The following ZBBX variants were observed in gnomAD, a reference collection of about 807,000 sequenced individuals.
ZBBX encodes zinc finger B-box domain containing.
A neutral mutation model predicts 108.5 loss-of-function variants in ZBBX; 101 were observed. The observed-to-expected ratio is 0.93, with a 90% CI of 0.79 to 1.10. The LOEUF (loss-of-function observed/expected upper bound fraction) is 1.10, where lower values mean the gene tolerates loss of function less well. Among genes scored for constraint, ZBBX ranks in the 50% least tolerant of loss-of-function variants. The pLI, the probability that ZBBX is intolerant of heterozygous loss-of-function variation, is 0.00. For synonymous variants in ZBBX, 356 were observed against 323.4 expected (o/e 1.10, Z -1.08); for missense variants, 1,009 against 941.4 (o/e 1.07, Z -0.94).
At chr3:167,368,214 A>C (rs73169188) in intron 5 of ZBBX, among the ~76,000 whole-genome samples, 42,645 of 151,280 alleles carry the variant, frequency 0.28, 6,171 homozygotes, top group South Asian at 0.32. Flanking sequence ...ATAAAAAGGA[A>C]ATAAGAAAGG....
intron 20 of ZBBX, among the ~76,000 whole-genome samples, chr3:167,278,579 AAC>A (rs920869357): frequency 2.0e-5 from 3 of 149,942 alleles, no homozygotes; most frequent in Non-Finnish European, 4.4e-5. Flanking sequence ...ATAGACCAAT[AAC>A]AGGATCTGAA....
In ZBBX at chr3:167,322,117, C is replaced by G. The variant is rs1418771943; in HGVS notation, c.983G>C (p.Arg328Thr). The part of the protein sequence containing the change: ...MEKLWLKKHR[R>T]TPQEQLFKML... ...ATAGTATTATAATTTCAGAAAATAC[C>G]TCCTGTGTTTTTTAAGCCATAATTT... is the stretch of plus-strand genomic sequence containing the variant. Residue 328 changes from arginine (R) to threonine (T), a missense_variant and splice_region_variant, in exon 12 of 22, where the codon AGA becomes ACA. Coordinates refer to ENST00000675490, the MANE Select transcript of ZBBX (RefSeq NM_001199201.2). 10 of 1,261,730 alleles carry G rather than the reference C, an allele frequency of 7.9e-6. No individual in the cohort carries two copies. Among genetic ancestry groups the G allele is most frequent in the Non-Finnish European group, 1.1e-5 (10 of 949,220 alleles). The allele number at this position is 1,261,730 out of a possible 1,614,324, so 78.2% of individuals were successfully genotyped here.
chr3:167,310,942 C>T (rs1235234855), intron 16 of ZBBX, among the ~76,000 whole-genome samples: 1 of 152,090 alleles, frequency 6.6e-6, no homozygotes, highest in Admixed American at 6.6e-5. Flanking sequence ...AGATTCATTG[C>T]AATCCCAATC....
At chr3:167,196,648 C>T in the ZBBX span, among the ~76,000 whole-genome samples, 2 of 152,056 alleles carry the variant, frequency 1.3e-5, no homozygotes, top group African/African-American at 2.4e-5. Flanking sequence ...AAATGACTCT[C>T]GTTTATTCAG....
chr3:167,203,080 A>G, the ZBBX span, among the ~76,000 whole-genome samples: 1 of 152,182 alleles, frequency 6.6e-6, no homozygotes, highest in East Asian at 1.9e-4. Flanking sequence ...TAGAACTATC[A>G]TAACAAAATA....
At chr3:167,361,467 T>C (rs1199995750) in intron 6 of ZBBX, among the ~76,000 whole-genome samples, 1 of 152,158 alleles carries the variant, frequency 6.6e-6, no homozygotes, top group Non-Finnish European at 1.5e-5. Context: ...CAGGCCTAGT[T>C]TTCAATTTGC....
chr3:167,213,306 T>C, the ZBBX span, among the ~76,000 whole-genome samples: 1 of 152,150 alleles, frequency 6.6e-6, no homozygotes, highest in Non-Finnish European at 1.5e-5. Flanking sequence ...AATAAAGTGA[T>C]ACCAGAGCTG....
chr3:167,194,229 A>AATATTTATATATAT, the ZBBX span, among the ~76,000 whole-genome samples: 2 of 139,820 alleles, frequency 1.4e-5, no homozygotes, highest in Non-Finnish European at 3.1e-5. Context: ...ATATGTACTA[A>AATATTTATATATAT]ATATATATAT....
chr3:167,332,434 G>T lies in ZBBX; in HGVS notation c.687+1393C>A, dbSNP rs898411983. On this transcript the variant is annotated intron_variant, in intron 10 of 21. Transcript: ENST00000675490. ...AATGGTTTTTAAGTTAAGACAATGAGGCAGACAATGTATACAGCATGCATA... is the reference window on the plus strand; with the variant it reads ...AATGGTTTTTAAGTTAAGACAATGATGCAGACAATGTATACAGCATGCATA... Among the ~76,000 whole-genome samples the T allele has an allele frequency of 2.0e-5, 3 of 152,162 alleles. No homozygotes were observed. The East Asian group carries it at 5.8e-4, about 29-fold the overall frequency.
At chr3:167,350,825 GAA>G (rs1352303381) in intron 8 of ZBBX, among the ~76,000 whole-genome samples, 1 of 152,000 alleles carries the variant, frequency 6.6e-6, no homozygotes, top group Non-Finnish European at 1.5e-5. Context: ...CATAGTTTCT[GAA>G]TAAACTATAA....
In ZBBX at chr3:167,282,435, C is replaced by A; in HGVS notation, c.2057G>T (p.Ser686Ile). The A allele has an allele frequency of 6.2e-7, 1 of 1,613,986 alleles. No homozygotes were observed. The highest frequency in any genetic ancestry group is 8.5e-7 in the Non-Finnish European group (1 of 1,179,890). ...ATGAGAGGATGAAAGGCAACTGGAG[C>A]TTTCTTTAACAGAGTTGGAAAGTGG... Reference protein sequence around the residue: ...NFPLSNSVKESSSCLSSSHPR... With the variant: ...NFPLSNSVKEISSCLSSSHPR... Residue 686 changes from serine to isoleucine, a missense_variant, in exon 20 of 22, where the codon AGC (serine) becomes ATC (isoleucine). Transcript: ENST00000675490.
chr3:167,257,939 A>T (rs1246295184), intron 20 of ZBBX, among the ~76,000 whole-genome samples: 1 of 152,110 alleles, frequency 6.6e-6, no homozygotes, highest in Non-Finnish European at 1.5e-5. Flanking sequence ...ATTTTCTCCC[A>T]GTCTGTGGGA....
rs1026048396 is a variant in ZBBX at position 167,350,287 on chromosome 3, G to A, written c.528+133C>T. On this transcript the variant is annotated intron_variant, in intron 9 of 21. Transcript: ENST00000675490. ...TAATTTAAAAATATGCATCAGGATTGTCTGTATATAATAGAATTTTAGAAA... is the reference window on the plus strand; with the variant it reads ...TAATTTAAAAATATGCATCAGGATTATCTGTATATAATAGAATTTTAGAAA... 8 of 576,478 alleles carry A rather than the reference G, an allele frequency of 1.4e-5. No homozygotes were observed. The African/African-American group carries it at 1.5e-4, about 11-fold the overall frequency. The allele number at this position is 576,478 out of a possible 1,614,324, so 35.7% of individuals were successfully genotyped here.
chr3:167,203,564 C>A, the ZBBX span, among the ~76,000 whole-genome samples: 1 of 151,706 alleles, frequency 6.6e-6, no homozygotes. Context: ...TTTTTTTCTC[C>A]TTATATTCTT....
At chr3:167,292,487 G>A (rs1237097012) in intron 18 of ZBBX, among the ~76,000 whole-genome samples, 1 of 152,158 alleles carries the variant, frequency 6.6e-6, no homozygotes, top group Non-Finnish European at 1.5e-5. Context: ...TAATGAAGAT[G>A]TTCTTTGAAA....
chr3:167,247,441 A>G (rs1721777336), intron 20 of ZBBX, among the ~76,000 whole-genome samples: 1 of 152,068 alleles, frequency 6.6e-6, no homozygotes, highest in South Asian at 2.1e-4. Flanking sequence ...CCACTCAATA[A>G]AACTTTGCAC....
At chr3:167,283,991 T>G (rs1230309649) in intron 19 of ZBBX, among the ~76,000 whole-genome samples, 1 of 152,136 alleles carries the variant, frequency 6.6e-6, no homozygotes, top group African/African-American at 2.4e-5. Flanking sequence ...TATGTAATTA[T>G]TTAAGCAATT....
the ZBBX span, among the ~76,000 whole-genome samples, chr3:167,212,613 G>A: frequency 6.6e-6 from 1 of 152,192 alleles, no homozygotes; most frequent in East Asian, 1.9e-4. Context: ...CCTTCATCTT[G>A]GGCTAACTGC....
At chr3:167,181,734 A>G in the ZBBX span, among the ~76,000 whole-genome samples, 1 of 152,212 alleles carries the variant, frequency 6.6e-6, no homozygotes, top group Non-Finnish European at 1.5e-5. Context: ...AGAAGTAGAT[A>G]TAACAACTTG....
Sources: gnomAD v4.1 joint callset for allele counts (sites outside exome capture counted in the v4.1 genomes callset) on GRCh38, gnomAD v4.1.1 for gene constraint, MANE v1.5 for transcripts, NCBI Gene and HGNC (gene_info 2026-07-23, HGNC 2026-07-21) for gene names.